Variants in MTHFD1L observed in about 807,000 individuals in gnomAD.
MTHFD1L encodes the protein methylenetetrahydrofolate dehydrogenase (NADP+ dependent) 1 like, also known as monofunctional C1-tetrahydrofolate synthase, mitochondrial.
Under a neutral mutation model 119.5 loss-of-function variants are expected in MTHFD1L, and 81 were observed. The observed-to-expected ratio is 0.68, with a 90% CI of 0.57 to 0.82. MTHFD1L has a LOEUF of 0.82. Among genes scored for constraint, MTHFD1L ranks in the 40% least tolerant of loss-of-function variants. The probability of loss-of-function intolerance (pLI) is 0.00; values close to 1 mark genes in which losing one functional copy is unlikely to be tolerated. For missense variants in MTHFD1L, 1,125 were observed against 1,253.4 expected (o/e 0.90, Z 1.55); for synonymous variants, 430 against 475.2 (o/e 0.90, Z 1.24).
chr6:150,961,163 A>C (rs1796389453), intron 18 of MTHFD1L, among the ~76,000 whole-genome samples: 1 of 140,460 alleles, frequency 7.1e-6, no homozygotes, highest in Non-Finnish European at 1.5e-5. Flanking sequence ...GCACGATCTC[A>C]GCTCACTGCA....
intron 20 of MTHFD1L, among the ~76,000 whole-genome samples, chr6:151,002,287 A>G (rs1186743937): frequency 6.6e-6 from 1 of 152,170 alleles, no homozygotes; most frequent in African/African-American, 2.4e-5. Flanking sequence ...GACCTTGGGG[A>G]AAATTATAAA....
chr6:150,954,975 C>A (rs898548265), intron 16 of MTHFD1L, among the ~76,000 whole-genome samples: 1 of 151,764 alleles, frequency 6.6e-6, no homozygotes. Flanking sequence ...TCACCATTCA[C>A]CCCCGCCACC....
intron 11 of MTHFD1L, among the ~76,000 whole-genome samples, chr6:150,932,816 G>GAGGAAGGA (rs60832992): frequency 5.0e-5 from 6 of 119,542 alleles, no homozygotes; most frequent in East Asian, 4.0e-4. Flanking sequence ...GAGAGGGAGG[G>GAGGAAGGA]AGGAAGGAAG....
chr6:150,984,491 G>A (rs946436445), intron 20 of MTHFD1L, among the ~76,000 whole-genome samples: 2 of 151,048 alleles, frequency 1.3e-5, no homozygotes, highest in African/African-American at 4.9e-5. Context: ...CTTTCTACAC[G>A]GTGCACTGGG....
chr6:150,999,188 C>T (rs932431877), intron 20 of MTHFD1L, among the ~76,000 whole-genome samples: 2 of 152,096 alleles, frequency 1.3e-5, no homozygotes, highest in African/African-American at 4.8e-5. Flanking sequence ...TGCATAATTG[C>T]ATTTTCCATG....
intron 11 of MTHFD1L, among the ~76,000 whole-genome samples, chr6:150,931,290 T>C (rs1200940299): frequency 8.2e-6 from 1 of 121,702 alleles, no homozygotes; most frequent in Non-Finnish European, 1.7e-5. Flanking sequence ...TTTTTTTTTT[T>C]TCTGCAGAGG....
intron 11 of MTHFD1L, among the ~76,000 whole-genome samples, chr6:150,932,803 G>GGA (rs1791303071): frequency 7.6e-6 from 1 of 130,884 alleles, no homozygotes. Flanking sequence ...AGAAAGGGAG[G>GGA]AAGAGAGGGA....
chr6:150,970,832 A>G (rs1032526259), intron 19 of MTHFD1L, among the ~76,000 whole-genome samples: 2 of 152,164 alleles, frequency 1.3e-5, no homozygotes, highest in Admixed American at 6.5e-5. Flanking sequence ...AAGTCTAACA[A>G]TGACATTCCA....
chr6:151,073,226 A>G (rs778349321), intron 26 of MTHFD1L, among the ~76,000 whole-genome samples: 3 of 152,190 alleles, frequency 2.0e-5, no homozygotes, highest in Non-Finnish European at 2.9e-5. Flanking sequence ...GCGGATGTAC[A>G]GAGTCCTCCT....
intron 16 of MTHFD1L, among the ~76,000 whole-genome samples, chr6:150,954,452 C>G (rs1242385762): frequency 2.0e-5 from 3 of 152,086 alleles, no homozygotes; most frequent in African/African-American, 7.2e-5. Flanking sequence ...CTTTGGGAGG[C>G]CGAGGCAGGT....
At chr6:150,965,640 G>A (rs1322234449) in intron 19 of MTHFD1L, among the ~76,000 whole-genome samples, 2 of 147,202 alleles carry the variant, frequency 1.4e-5, no homozygotes, top group Non-Finnish European at 3.0e-5. Flanking sequence ...CAGCCTGGGC[G>A]ACAGAGCGAG....
At chr6:151,063,254 G>A (rs1790854947) in intron 26 of MTHFD1L, among the ~76,000 whole-genome samples, 1 of 152,086 alleles carries the variant, frequency 6.6e-6, no homozygotes, top group African/African-American at 2.4e-5. Flanking sequence ...TTGTCTTGGA[G>A]GATATCATCA....
chr6:151,022,502 T>A (rs1784078011), intron 24 of MTHFD1L: 1 of 153,800 alleles, frequency 6.5e-6, no homozygotes, highest in Non-Finnish European at 1.4e-5. Flanking sequence ...AGGGTTTAAT[T>A]AATAGGATCT....
chr6:151,011,300 A>T (rs1051374595), intron 21 of MTHFD1L, among the ~76,000 whole-genome samples: 1 of 152,216 alleles, frequency 6.6e-6, no homozygotes, highest in African/African-American at 2.4e-5. Context: ...TAGACATTGA[A>T]TCTGTATAAC....
At chr6:150,938,774 T>C in intron 13 of MTHFD1L, 29 bp downstream of exon 13, 3 of 1,588,124 alleles carry the variant, frequency 1.9e-6, no homozygotes, top group Non-Finnish European at 2.6e-6. Flanking sequence ...GCGGGTCAGC[T>C]ATCACTGTGT....
At chr6:151,064,556 G>A (rs796083156) in intron 26 of MTHFD1L, among the ~76,000 whole-genome samples, 11 of 152,082 alleles carry the variant, frequency 7.2e-5, no homozygotes, top group Admixed American at 1.3e-4. Flanking sequence ...CTTGTGATCC[G>A]CCTGCCTCGG....
intron 20 of MTHFD1L, among the ~76,000 whole-genome samples, chr6:150,973,318 A>G (rs150712701): frequency 6.6e-6 from 1 of 152,348 alleles, no homozygotes; most frequent in Non-Finnish European, 1.5e-5. Context: ...TCAGGATCAG[A>G]TGAGGCTTGG....
intron 27 of MTHFD1L, among the ~76,000 whole-genome samples, chr6:151,093,949 G>T (rs968513102): frequency 6.6e-6 from 1 of 152,098 alleles, no homozygotes; most frequent in South Asian, 2.1e-4. Context: ...GGGGACTCTC[G>T]GTCTTATTCA....
chr6:151,030,647 G>C (rs1785219664), intron 24 of MTHFD1L, among the ~76,000 whole-genome samples: 1 of 152,178 alleles, frequency 6.6e-6, no homozygotes, highest in Non-Finnish European at 1.5e-5. Context: ...CTGCGCTGTT[G>C]CCTGCAGCAC....
Sources: gnomAD v4.1 joint callset for allele counts (sites outside exome capture counted in the v4.1 genomes callset) on GRCh38, gnomAD v4.1.1 for gene constraint, MANE v1.5 for transcripts, NCBI Gene and HGNC (gene_info 2026-07-23, HGNC 2026-07-21) for gene names.